The following CACNG4 variants were observed in gnomAD, a reference collection of about 807,000 sequenced individuals.
The protein encoded by CACNG4 is voltage-dependent calcium channel gamma-4 subunit.
In CACNG4, 8 loss-of-function variants were observed where a neutral mutation model predicts 22.9. The observed-to-expected ratio is 0.35, with a 90% CI of 0.21 to 0.63. The LOEUF (loss-of-function observed/expected upper bound fraction) is 0.63, where lower values mean the gene tolerates loss of function less well. Ranked by LOEUF, CACNG4 falls within the 30% of genes least tolerant of loss-of-function variation. CACNG4 has a pLI of 0.72. For synonymous variants in CACNG4, 188 were observed against 191.9 expected (o/e 0.98, Z 0.17); for missense variants, 357 against 455.4 (o/e 0.78, Z 1.97).
chr17:67,021,916 G>A (rs549233535), intron 2 of CACNG4, among the ~76,000 whole-genome samples: 13 of 152,232 alleles, frequency 8.5e-5, no homozygotes, highest in East Asian at 7.7e-4. Context: ...CGCTGTGCCC[G>A]ACCTGCACCA....
rs144719506 is a variant in CACNG4, at chr17:67,029,163, C to A, written c.446-1303C>A. 8.2e-3 allele frequency among the ~76,000 whole-genome samples: 1,247 copies of A among 151,762 alleles called. 10 individuals carry two copies. Among genetic ancestry groups the A allele is most frequent in the Non-Finnish European group, 0.014 (928 of 67,954 alleles). ...GCCTAGCCACATGGTGAAACCCTGT[C>A]TCTACTAAAAATACAAAAATTACCC... On this transcript the variant is annotated intron_variant, in intron 3 of 3. Transcript: ENST00000262138.
intron 3 of CACNG4, among the ~76,000 whole-genome samples, chr17:67,026,451 G>T (rs1487380529): frequency 6.7e-6 from 1 of 149,632 alleles, no homozygotes; most frequent in African/African-American, 2.5e-5. Context: ...GGAATGTGGT[G>T]TATGTGTGTG....
chr17:66,985,943 G>GAA (rs144835669), intron 1 of CACNG4, among the ~76,000 whole-genome samples: 7 of 147,746 alleles, frequency 4.7e-5, no homozygotes, highest in Non-Finnish European at 1.0e-4. Flanking sequence ...TTTAAAAAAG[G>GAA]AAAAAAAAAA....
In CACNG4 at chr17:66,965,189, T is replaced by TAC. The variant is rs1295418043; in HGVS notation, c.220+63_220+64dup. ...ACACACACACACACACACACACATA[T>TAC]ACACACGCGCGCGCGCGCGCGCGCA... On this transcript the variant is annotated intron_variant, in intron 1 of 3. Coordinates refer to ENST00000262138, the MANE Select transcript of CACNG4 (RefSeq NM_014405.4). 2,390 of 952,798 alleles carry TAC rather than the reference T, an allele frequency of 2.5e-3. 43 individuals carry two copies. In the African/African-American group the frequency reaches 0.046, roughly 18 times the overall value. 59.0% of individuals were successfully genotyped at this position (952,798 alleles called of 1,614,324 possible).
chr17:66,989,401 A>G (rs2035325306), intron 1 of CACNG4, among the ~76,000 whole-genome samples: 1 of 151,558 alleles, frequency 6.6e-6, no homozygotes, highest in Non-Finnish European at 1.5e-5. Context: ...TGATGCAGCT[A>G]CAAGCCAGGG....
At chr17:66,978,588 G>T (rs568492404) in intron 1 of CACNG4, among the ~76,000 whole-genome samples, 7 of 152,302 alleles carry the variant, frequency 4.6e-5, no homozygotes, top group African/African-American at 1.7e-4. Context: ...TCCGGCCAAG[G>T]CCATGTCACC....
At chr17:66,979,745 CTTTTTT>C (rs35942551) in intron 1 of CACNG4, among the ~76,000 whole-genome samples, 10 of 92,012 alleles carry the variant, frequency 1.1e-4, no homozygotes, top group Non-Finnish European at 8.1e-5. Flanking sequence ...TCTTTTCATG[CTTTTTT>C]TTTTTTTTTT....
intron 1 of CACNG4, among the ~76,000 whole-genome samples, chr17:67,017,296 C>T (rs58024338): frequency 0.031 from 4,683 of 152,184 alleles, 242 homozygotes; most frequent in African/African-American, 0.11. Context: ...AGGCTGGTCT[C>T]GAACTCCTGG....
At position 66,965,850 on chromosome 17, in the gene CACNG4, T is replaced by C. The variant is rs1398506657; in HGVS notation, c.220+719T>C. 4.6e-5 allele frequency among the ~76,000 whole-genome samples: 7 copies of C among 150,746 alleles called. No homozygotes were observed. The East Asian group carries it at 1.2e-3, about 25-fold the overall frequency. The stretch of plus-strand genomic sequence containing the variant: ...CACCGGCCCGCTCCTCGCTGTGCGG[T>C]GGGGTGGTAAGGGGAGCGACACCGA... On this transcript the variant is annotated intron_variant, in intron 1 of 3. Transcript: ENST00000262138.
chr17:67,020,415 A>G (rs1241468608), intron 2 of CACNG4: 1 of 152,276 alleles, frequency 6.6e-6, no homozygotes, highest in Admixed American at 6.5e-5. Context: ...GGGGAAGGCC[A>G]TGTTCTCCTT....
intron 1 of CACNG4, among the ~76,000 whole-genome samples, chr17:66,999,706 A>T (rs1407091100): frequency 6.6e-6 from 1 of 152,156 alleles, no homozygotes; most frequent in Non-Finnish European, 1.5e-5. Flanking sequence ...CATGGGGATT[A>T]CAGGTCCCCC....
intron 1 of CACNG4, among the ~76,000 whole-genome samples, chr17:66,997,262 A>G (rs956240116): frequency 2.6e-5 from 4 of 152,210 alleles, no homozygotes; most frequent in Non-Finnish European, 5.9e-5. Context: ...GATTTGAGGC[A>G]TCAAGGATGT....
chr17:67,029,769 G>A (rs901590828), intron 3 of CACNG4, among the ~76,000 whole-genome samples: 1 of 152,248 alleles, frequency 6.6e-6, no homozygotes, highest in Non-Finnish European at 1.5e-5. Flanking sequence ...GCTGGATGAG[G>A]AGTATATGAA....
Position 67,030,086 on chromosome 17 carries a change from G to A in CACNG4, c.446-380G>A, listed in dbSNP as rs746191674. ...GCTCTCCATGTTCTGATTCAGAACC[G>A]TCTCTCAGATGTACTGTTAAGAGAA... On this transcript the variant is annotated intron_variant, in intron 3 of 3. Transcript: ENST00000262138. The surrounding 1 kb of genome is among the most constrained non-coding windows in gnomAD (Gnocchi z 6.4). Among the ~76,000 whole-genome samples the A allele has an allele frequency of 2.6e-5, 4 of 152,178 alleles. No individual in the cohort carries two copies. The highest frequency in any genetic ancestry group is 2.1e-4 in the South Asian group (1 of 4,826).
chr17:66,988,313 G>T (rs1284879766), intron 1 of CACNG4, among the ~76,000 whole-genome samples: 1 of 152,158 alleles, frequency 6.6e-6, no homozygotes, highest in African/African-American at 2.4e-5. Context: ...GACTCGGCCA[G>T]TCCGGTCATC....
At chr17:67,017,886 G>A (rs532115794) in intron 1 of CACNG4, among the ~76,000 whole-genome samples, 1 of 151,994 alleles carries the variant, frequency 6.6e-6, no homozygotes, top group African/African-American at 2.4e-5. Context: ...TGCTTGCCCC[G>A]GGCAGCTCTG....
chr17:66,994,327 CAAAAAA>C (rs142191712), intron 1 of CACNG4, among the ~76,000 whole-genome samples: 1 of 125,688 alleles, frequency 8.0e-6, no homozygotes, highest in African/African-American at 2.8e-5. Flanking sequence ...ACCCTATTTC[CAAAAAA>C]AAAAAAAAAA....
In CACNG4 at chr17:66,964,829, C is replaced by A; in HGVS notation, c.-83C>A. The A allele has an allele frequency of 3.9e-6, 3 of 773,636 alleles. No individual in the cohort carries two copies. Among genetic ancestry groups the A allele is most frequent in the Non-Finnish European group, 4.8e-6 (3 of 627,430 alleles). 47.9% of individuals were successfully genotyped at this position (773,636 alleles called of 1,614,324 possible). ...GGCCCTCGGCCCCCCAACCCCGGCG[C>A]CCCCGGAGCGGCGCGCGGAGGGAGG... On this transcript the variant is annotated 5_prime_UTR_variant, in exon 1 of 4. Transcript: ENST00000262138.
chr17:66,997,205 T>C (rs917385272), intron 1 of CACNG4, among the ~76,000 whole-genome samples: 1 of 152,140 alleles, frequency 6.6e-6, no homozygotes, highest in Non-Finnish European at 1.5e-5. Flanking sequence ...GGAAGAGTTA[T>C]GCAAACCCAA....
Sources: allele counts gnomAD v4.1 joint callset (sites outside exome capture counted in the v4.1 genomes callset), GRCh38; gene constraint gnomAD v4.1.1; non-coding constraint Gnocchi (gnomAD v3.1); transcripts MANE v1.5; gene names NCBI Gene and HGNC (gene_info 2026-07-23, HGNC 2026-07-21).